SYS1: variants seen among roughly 807,000 people sequenced by gnomAD.
SYS1 encodes the protein protein SYS1 homolog.
Under a neutral mutation model 17.8 loss-of-function variants are expected in SYS1, and 8 were observed. That is an observed-to-expected ratio of 0.45 (90% confidence interval 0.26 to 0.81). SYS1 has a LOEUF of 0.81. Among genes scored for constraint, SYS1 ranks in the 40% least tolerant of loss-of-function variants. The pLI, the probability that SYS1 is intolerant of heterozygous loss-of-function variation, is 0.16. For missense variants in SYS1, 161 were observed against 203.9 expected (o/e 0.79, Z 1.28); for synonymous variants, 95 against 90.9 (o/e 1.05, Z -0.26).
At chr20:45,365,399 A>C in intron 2 of SYS1, 1 of 657,914 alleles carries the variant, frequency 1.5e-6, no homozygotes. Flanking sequence ...CTCCTTTGTA[A>C]AATGAGAATA....
chr20:45,363,476 G>A, intron 1 of SYS1, 53 bp from the exon 2 acceptor site: 3 of 1,534,264 alleles, frequency 2.0e-6, no homozygotes, highest in South Asian at 1.2e-5. Flanking sequence ...CGGGCGGGGC[G>A]ACGTTGCCAT....
chr20:45,369,941 C>CA (rs1315142162), downstream of SYS1, among the ~76,000 whole-genome samples: 1 of 138,692 alleles, frequency 7.2e-6, no homozygotes, highest in East Asian at 2.2e-4. Flanking sequence ...TTTTTTGAAA[C>CA]AGAGTTTCAC....
At chr20:45,374,548 A>G (rs144549292) in exon 4 of SYS1, 1 of 515,230 alleles carries the variant, frequency 1.9e-6, no homozygotes, top group Non-Finnish European at 3.4e-6. Context: ...CTGGGATTAC[A>G]GGCGTGAGCC....
At chr20:45,376,259 T>G (rs946425658) in exon 4 of SYS1, 2 of 152,246 alleles carry the variant, frequency 1.3e-5, no homozygotes, top group African/African-American at 4.8e-5. Flanking sequence ...TGTAACAGAC[T>G]GGGCCCCCTG....
chr20:45,370,132 C>T (rs1443690355), downstream of SYS1, among the ~76,000 whole-genome samples: 1 of 151,988 alleles, frequency 6.6e-6, no homozygotes, highest in African/African-American at 2.4e-5. Flanking sequence ...ATCATGTTGG[C>T]CAGGCTGGTC....
At chr20:45,375,859 C>T in exon 4 of SYS1, 1 of 360,866 alleles carries the variant, frequency 2.8e-6, no homozygotes, top group Non-Finnish European at 5.1e-6. Context: ...GGAGGGTGAA[C>T]AGTCCAGTAG....
rs1988461509 is a variant in SYS1, at chr20:45,367,623, G to T, written c.*508G>T. On this transcript the variant is annotated 3_prime_UTR_variant, in exon 4 of 4. Coordinates refer to ENST00000243918, the MANE Select transcript of SYS1 (RefSeq NM_033542.4). ...TCCAGAGCCACAGAAAGAAATGTAG[G>T]TGTGAAGTATTAGGCTGCTGTCAGG... is the stretch of plus-strand genomic sequence containing the variant. 2 of 995,552 alleles carry T rather than the reference G, an allele frequency of 2.0e-6. No homozygotes were observed. Among genetic ancestry groups the T allele is most frequent in the Non-Finnish European group, 1.2e-6 (1 of 836,368 alleles). 61.7% of individuals were successfully genotyped at this position (995,552 alleles called of 1,614,324 possible).
At chr20:45,376,791 TAAAG>T (rs1988747831) in exon 4 of SYS1, 1 of 153,184 alleles carries the variant, frequency 6.5e-6, no homozygotes, top group African/African-American at 2.4e-5. Flanking sequence ...AATAAATTAA[TAAAG>T]AAACCAAGCC....
At chr20:45,371,949 T>C (rs1448735769), downstream of SYS1, among the ~76,000 whole-genome samples, 1 of 152,234 alleles carries the variant, frequency 6.6e-6, no homozygotes, top group Non-Finnish European at 1.5e-5. Context: ...ATCACTATTT[T>C]ATAAACATGA....
downstream of SYS1, among the ~76,000 whole-genome samples, chr20:45,371,656 T>C (rs1988563469): frequency 6.6e-6 from 1 of 152,236 alleles, no homozygotes; most frequent in Non-Finnish European, 1.5e-5. Flanking sequence ...ATCCAGACAA[T>C]TGTGAGACGG....
chr20:45,374,028 C>T (rs757848312), downstream of SYS1: 22 of 1,612,882 alleles, frequency 1.4e-5, no homozygotes, highest in Non-Finnish European at 1.7e-5. Context: ...GCAGAAACCT[C>T]GGTGTTAGGC....
At chr20:45,375,897 T>C (rs750322324) in exon 4 of SYS1, 12 of 240,878 alleles carry the variant, frequency 5.0e-5, no homozygotes, top group Middle Eastern at 1.5e-3. Context: ...CCAAGAACCT[T>C]AGGGTTCTGA....
chr20:45,375,534 A>G lies in SYS1; in HGVS notation c.*1240A>G, dbSNP rs749845512. 6 of 1,608,466 alleles carry G rather than the reference A, an allele frequency of 3.7e-6. No homozygotes were observed. The African/African-American group carries it at 8.1e-5, about 22-fold the overall frequency. On this transcript the variant is annotated 3_prime_UTR_variant, in exon 4 of 4. Coordinates refer to the SYS1 transcript ENST00000426004. ...ACTCTTCATTATTTTGTTTTGTTTTATTGCAGGCACTGTTTTCCCTGGCAG... is the reference window on the plus strand; with the variant it reads ...ACTCTTCATTATTTTGTTTTGTTTTGTTGCAGGCACTGTTTTCCCTGGCAG...
In SYS1 at chr20:45,368,410, G is replaced by A. The variant is rs915660115; in HGVS notation, c.*1295G>A. 1.4e-5 allele frequency: 14 copies of A among 985,392 alleles called. No homozygotes were observed. The highest frequency in any genetic ancestry group is 4.7e-5 in the South Asian group (1 of 21,290). 61.0% of individuals were successfully genotyped at this position (985,392 alleles called of 1,614,324 possible). A position where few individuals can be genotyped will look rare whatever the true frequency, so the allele number is the denominator to read the frequency against. ...CGGCACACAGTCTAGACCCACTTCC[G>A]CATTGAAACCTTCACTGTTCCTCTT... On this transcript the variant is annotated 3_prime_UTR_variant, in exon 4 of 4. Transcript: ENST00000243918.
In SYS1 at chr20:45,363,711, G is replaced by C. The variant is rs773281411; in HGVS notation, c.162+18G>C. The C allele has an allele frequency of 7.7e-6, 12 of 1,549,776 alleles. No homozygotes were observed. The highest frequency in any genetic ancestry group is 1.0e-5 in the Non-Finnish European group (12 of 1,150,352). On this transcript the variant is annotated intron_variant, in intron 2 of 3. Coordinates refer to ENST00000243918, the MANE Select transcript of SYS1 (RefSeq NM_033542.4). ...ACGCCGAGGTAGGGTCCCCGGACTG[G>C]GGCGGGTGGGGTCTCGGCCTCCCCG...
chr20:45,363,115 A>G (rs1029672255), upstream of SYS1: 86 of 1,010,220 alleles, frequency 8.5e-5, no homozygotes, highest in African/African-American at 1.4e-3. Flanking sequence ...CGCCTGCGCA[A>G]CCTCAGCCCC....
intron 3 of SYS1, chr20:45,374,278 T>G (rs748488764): frequency 2.9e-6 from 2 of 698,096 alleles, no homozygotes; most frequent in South Asian, 3.0e-5. Context: ...CTTTTTTTCC[T>G]TTCTTTTTTT....
chr20:45,375,627 G>A, exon 4 of SYS1: 2 of 1,515,038 alleles, frequency 1.3e-6, no homozygotes, highest in Non-Finnish European at 1.8e-6. Flanking sequence ...TATGTAGCCA[G>A]CTCAGGGGAG....
In SYS1 at chr20:45,367,482, CT is replaced by C; in HGVS notation, c.*368del. ...TGGAGCAAACCACTTCTTTAGTCAT[CT>C]GTCTTACCCCCCTGGGACAGCTGTT... is the stretch of plus-strand genomic sequence containing the variant. On this transcript the variant is annotated 3_prime_UTR_variant, in exon 4 of 4. Transcript: ENST00000243918. The C allele has an allele frequency of 9.4e-7, 1 of 1,059,336 alleles. No homozygotes were observed. Among genetic ancestry groups the C allele is most frequent in the Non-Finnish European group, 1.1e-6 (1 of 877,862 alleles). The allele number at this position is 1,059,336 out of a possible 1,614,324, so 65.6% of individuals were successfully genotyped here.
Sources: gnomAD v4.1 joint callset for allele counts (sites outside exome capture counted in the v4.1 genomes callset) on GRCh38, gnomAD v4.1.1 for gene constraint, MANE v1.5 for transcripts, NCBI Gene and HGNC (gene_info 2026-07-23, HGNC 2026-07-21) for gene names.